Variants in CLMN observed in about 807,000 individuals in gnomAD.
The protein encoded by CLMN is calmin (calponin-like, transmembrane).
A neutral mutation model predicts 92.7 loss-of-function variants in CLMN; 57 were observed. The observed-to-expected ratio is 0.61, with a 90% CI of 0.50 to 0.77. CLMN has a LOEUF of 0.77. Ranked by LOEUF, CLMN falls within the 30% of genes least tolerant of loss-of-function variation. The probability of loss-of-function intolerance (pLI) is 0.00; values close to 1 mark genes in which losing one functional copy is unlikely to be tolerated. For synonymous variants in CLMN, 466 were observed against 470.6 expected (o/e 0.99, Z 0.13); for missense variants, 1,158 against 1,237.5 (o/e 0.94, Z 0.96).
chr14:95,309,452 C>T (rs1301139819), intron 1 of CLMN, among the ~76,000 whole-genome samples: 2 of 152,226 alleles, frequency 1.3e-5, no homozygotes, highest in Admixed American at 1.3e-4. Context: ...AAAATCCACA[C>T]AACAGCGTAT....
chr14:95,203,463 T>C lies in CLMN; in HGVS notation c.1886A>G (p.His629Arg), dbSNP rs1161046222. Residue 629 changes from histidine to arginine, a missense_variant, in exon 9 of 13, where the codon CAT (histidine) becomes CGT (arginine). Transcript: ENST00000298912. Reference protein sequence around the residue: ...SPEPQVKMDKHEPHQDSGEEA... With the variant: ...SPEPQVKMDKREPHQDSGEEA... ...TTCTCCGGAGTCCTGATGAGGTTCA[T>C]GTTTGTCCATCTTAACTTGAGGCTC... 7 of 1,614,092 alleles carry C rather than the reference T, an allele frequency of 4.3e-6. No individual in the cohort carries two copies. The highest frequency in any genetic ancestry group is 5.9e-6 in the Non-Finnish European group (7 of 1,180,040).
At chr14:95,269,807 C>T (rs1287575677) in intron 1 of CLMN, among the ~76,000 whole-genome samples, 1 of 152,140 alleles carries the variant, frequency 6.6e-6, no homozygotes, top group Admixed American at 6.5e-5. Context: ...GAATTCTGGA[C>T]ACTGGAATGG....
At chr14:95,316,408 C>T (rs982798105) in intron 1 of CLMN, among the ~76,000 whole-genome samples, 5 of 152,250 alleles carry the variant, frequency 3.3e-5, no homozygotes, top group Non-Finnish European at 5.9e-5. Flanking sequence ...TCTTTTTGAG[C>T]TATGCATGTG....
chr14:95,193,045 C>CCA, intron 12 of CLMN: 1 of 363,376 alleles, frequency 2.8e-6, no homozygotes, highest in Non-Finnish European at 4.9e-6. Context: ...GTTCTAATGA[C>CCA]CACACTCTTG....
At chr14:95,267,553 G>A (rs1205546054) in intron 1 of CLMN, among the ~76,000 whole-genome samples, 1 of 152,170 alleles carries the variant, frequency 6.6e-6, no homozygotes, top group East Asian at 1.9e-4. Flanking sequence ...GTGAGAATGT[G>A]GAGAAAGGGG....
At position 95,230,429 on chromosome 14, in the gene CLMN, C is replaced by T. The variant is rs187498140; in HGVS notation, c.83-296G>A. Among the ~76,000 whole-genome samples, 11 of 152,326 alleles carry T rather than the reference C, an allele frequency of 7.2e-5. No individual in the cohort carries two copies. In the East Asian group the frequency reaches 1.7e-3, roughly 24 times the overall value. On this transcript the variant is annotated intron_variant, in intron 1 of 12. Transcript: ENST00000298912. Reference sequence around the variant, plus strand: ...ACATCTGACAGTTCAGGCTAAGAAGCACTGGAGACAAAACTACAAATCAAC... The same window carrying T: ...ACATCTGACAGTTCAGGCTAAGAAGTACTGGAGACAAAACTACAAATCAAC...
chr14:95,243,654 G>GA (rs1008245494), intron 1 of CLMN, among the ~76,000 whole-genome samples: 4 of 147,874 alleles, frequency 2.7e-5, no homozygotes, highest in South Asian at 2.2e-4. Flanking sequence ...AGAAATAGGT[G>GA]AAAAAAAATC....
chr14:95,315,280 C>A (rs536419358), intron 1 of CLMN, among the ~76,000 whole-genome samples: 1 of 152,106 alleles, frequency 6.6e-6, no homozygotes, highest in South Asian at 2.1e-4. Flanking sequence ...GCAACCCAGC[C>A]TTTTTCTCGT....
At chr14:95,250,239 C>T (rs1173786972) in intron 1 of CLMN, among the ~76,000 whole-genome samples, 2 of 152,214 alleles carry the variant, frequency 1.3e-5, no homozygotes, top group African/African-American at 4.8e-5. Context: ...GTTTTTGTTA[C>T]TTGCAGGTGA....
intron 8 of CLMN, 138 bp from the exon 9 acceptor site, chr14:95,204,601 T>G: frequency 1.2e-6 from 1 of 800,474 alleles, no homozygotes; most frequent in South Asian, 2.1e-5. Flanking sequence ...CAAACAAAAA[T>G]GGAAAAAGCC....
At chr14:95,205,428 A>G (rs1194113061) in intron 8 of CLMN, among the ~76,000 whole-genome samples, 1 of 152,262 alleles carries the variant, frequency 6.6e-6, no homozygotes, top group Non-Finnish European at 1.5e-5. Flanking sequence ...CTGTGCTACA[A>G]GCAATACAAA....
chr14:95,248,127 G>T (rs937598074), intron 1 of CLMN, among the ~76,000 whole-genome samples: 4 of 151,292 alleles, frequency 2.6e-5, no homozygotes, highest in African/African-American at 9.7e-5. Flanking sequence ...AAAAAAAGAG[G>T]AAAGAGGGGA....
intron 1 of CLMN, among the ~76,000 whole-genome samples, chr14:95,245,227 A>T (rs1467528770): frequency 5.4e-4 from 17 of 31,214 alleles, no homozygotes; most frequent in African/African-American, 2.6e-3. Flanking sequence ...TATATATATT[A>T]TATATATATA....
intron 1 of CLMN, among the ~76,000 whole-genome samples, chr14:95,279,977 T>G (rs1900084241): frequency 6.6e-6 from 1 of 152,106 alleles, no homozygotes; most frequent in Non-Finnish European, 1.5e-5. Context: ...TTGTTGTTTT[T>G]TTTTTTTGCC....
At chr14:95,285,311 T>C (rs1900299083) in intron 1 of CLMN, among the ~76,000 whole-genome samples, 1 of 152,126 alleles carries the variant, frequency 6.6e-6, no homozygotes, top group Admixed American at 6.5e-5. Context: ...CCAGGCTTGA[T>C]TTTGAACAGG....
intron 3 of CLMN, among the ~76,000 whole-genome samples, chr14:95,222,892 G>T (rs1363896831): frequency 1.3e-5 from 2 of 152,158 alleles, no homozygotes; most frequent in African/African-American, 4.8e-5. Flanking sequence ...TACAGTTAAG[G>T]ACAGACCCAG....
chr14:95,222,755 CG>C (rs1169264671), intron 3 of CLMN, among the ~76,000 whole-genome samples: 5 of 152,324 alleles, frequency 3.3e-5, no homozygotes, highest in Admixed American at 2.6e-4. Context: ...TAGCCCTCTG[CG>C]GGTGCCGCTA....
At position 95,185,394 on chromosome 14, in the gene CLMN, C is replaced by G. The variant is rs1896418435; in HGVS notation, c.*6170G>C. 1 of 152,326 alleles carries G rather than the reference C, an allele frequency of 6.6e-6. No homozygotes were observed. Among genetic ancestry groups the G allele is most frequent in the Non-Finnish European group, 1.5e-5 (1 of 68,194 alleles). 9.4% of individuals were successfully genotyped at this position (152,326 alleles called of 1,614,324 possible). A position where few individuals can be genotyped will look rare whatever the true frequency, so the allele number is the denominator to read the frequency against. On this transcript the variant is annotated 3_prime_UTR_variant, in exon 13 of 13. Coordinates refer to ENST00000298912, the MANE Select transcript of CLMN (RefSeq NM_024734.4). ...TTCAGCACAGAAGCACAATAATGCC[C>G]ACTCCAGCTCCCAGCCTTCCACCAC...
Position 95,193,841 on chromosome 14 carries a change from C to A in CLMN, c.2840+8G>T. On this transcript the variant is annotated splice_region_variant and intron_variant, in intron 12 of 12. Transcript: ENST00000298912. The stretch of plus-strand genomic sequence containing the variant: ...TACCCCCACAAAACCTGAAGTAAAG[C>A]CACCAACCTGGTTAATATTCGGTTT... 6.2e-7 allele frequency: 1 copy of A among 1,613,840 alleles called. No individual in the cohort carries two copies. Among genetic ancestry groups the A allele is most frequent in the Non-Finnish European group, 8.5e-7 (1 of 1,179,940 alleles).
Sources: allele counts gnomAD v4.1 joint callset (sites outside exome capture counted in the v4.1 genomes callset), GRCh38; gene constraint gnomAD v4.1.1; transcripts MANE v1.5; gene names NCBI Gene and HGNC (gene_info 2026-07-23, HGNC 2026-07-21).